The following COX10 variants were observed in gnomAD, a reference collection of about 807,000 sequenced individuals.
COX10 encodes the protein protoheme IX farnesyltransferase, mitochondrial.
COX10 carries 27 observed loss-of-function variants against 37.3 expected under a neutral mutation model. That is an observed-to-expected ratio of 0.72 (90% CI 0.53 to 1.00). COX10 has a LOEUF of 1.00. Ranked by LOEUF, COX10 falls within the 50% of genes least tolerant of loss-of-function variation. The pLI is 0.00. For synonymous variants in COX10, 222 were observed against 229.1 expected (o/e 0.97, Z 0.28); for missense variants, 475 against 563.2 (o/e 0.84, Z 1.59).
chr17:14,125,722 T>C (rs933883299), intron 4 of COX10, among the ~76,000 whole-genome samples: 8 of 152,168 alleles, frequency 5.3e-5, no homozygotes, highest in Non-Finnish European at 1.0e-4. Context: ...TTAAAATACA[T>C]GTCAATACTT....
At position 14,104,028 on chromosome 17, in the gene COX10, G is replaced by A. The variant is rs776669877; in HGVS notation, c.624+1786G>A. ...ACTTACACAGCACTCCTGATCTTCC[G>A]CTGGAACTCCGTGTCATGTTCCTCC... On this transcript the variant is annotated intron_variant, in intron 4 of 6. Transcript: ENST00000261643. 5.3e-5 allele frequency among the ~76,000 whole-genome samples: 8 copies of A among 152,034 alleles called. No homozygotes were observed. In the South Asian group the frequency reaches 8.3e-4, roughly 16 times the overall value.
chr17:14,193,232 C>A (rs1447396164), intron 6 of COX10, among the ~76,000 whole-genome samples: 10 of 152,192 alleles, frequency 6.6e-5, no homozygotes, highest in African/African-American at 1.9e-4. Flanking sequence ...ATGGGGAGCC[C>A]GACCCCACCG....
At chr17:14,075,596 A>G (rs577448057) in intron 2 of COX10, among the ~76,000 whole-genome samples, 3 of 152,182 alleles carry the variant, frequency 2.0e-5, no homozygotes, top group Non-Finnish European at 4.4e-5. Context: ...ATAAAACTGT[A>G]AAGTACTTCA....
chr17:14,143,079 A>G (rs1450411951), intron 4 of COX10, among the ~76,000 whole-genome samples: 1 of 152,162 alleles, frequency 6.6e-6, no homozygotes, highest in Non-Finnish European at 1.5e-5. Flanking sequence ...ATTGCCAGTA[A>G]TCAGGTTGAA....
chr17:14,178,621 C>T (rs1485132466), intron 5 of COX10, among the ~76,000 whole-genome samples: 2 of 151,150 alleles, frequency 1.3e-5, no homozygotes, highest in Non-Finnish European at 3.0e-5. Context: ...CTGCTCACCA[C>T]TTCACTAGTT....
intron 6 of COX10, among the ~76,000 whole-genome samples, chr17:14,205,275 G>C (rs1202923044): frequency 6.6e-6 from 1 of 151,086 alleles, no homozygotes; most frequent in African/African-American, 2.4e-5. Flanking sequence ...TATGAATACT[G>C]TCCCCTCCAC....
chr17:14,104,216 T>G (rs528165304), intron 4 of COX10, among the ~76,000 whole-genome samples: 1 of 152,226 alleles, frequency 6.6e-6, no homozygotes, highest in African/African-American at 2.4e-5. Context: ...TCACAACACT[T>G]TAAAAATCTC....
chr17:14,206,019 T>C (rs1289451784), intron 6 of COX10, among the ~76,000 whole-genome samples: 2 of 152,182 alleles, frequency 1.3e-5, no homozygotes, highest in Non-Finnish European at 2.9e-5. Flanking sequence ...CGTTTTGTCC[T>C]TGTGACTCAT....
intron 2 of COX10, among the ~76,000 whole-genome samples, chr17:14,075,545 C>A (rs1915123754): frequency 6.6e-6 from 1 of 152,104 alleles, no homozygotes; most frequent in Admixed American, 6.6e-5. Context: ...GATCTATCTT[C>A]TTTGACAACT....
intron 4 of COX10, among the ~76,000 whole-genome samples, chr17:14,119,084 T>C (rs76632184): frequency 0.093 from 14,159 of 152,224 alleles, 711 homozygotes; most frequent in Middle Eastern, 0.14. Flanking sequence ...GTTATTTCCC[T>C]CTGTTTATTC....
At chr17:14,201,457 A>C (rs1217711570) in intron 6 of COX10, among the ~76,000 whole-genome samples, 2 of 152,204 alleles carry the variant, frequency 1.3e-5, no homozygotes, top group Non-Finnish European at 2.9e-5. Context: ...TACAGAAAAC[A>C]GCATGCTACT....
At position 14,074,371 on chromosome 17, in the gene COX10, A is replaced by G. The variant is rs757977403; in HGVS notation, c.92A>G (p.Asp31Gly). ...TATCTTGAAAGAAGAACTATACAGG[A>G]CTCCCCTCACAAGTTCTTACATCTT... is the stretch of plus-strand genomic sequence containing the variant. The part of the protein sequence containing the change: ...VWYLERRTIQ[D>G]SPHKFLHLLR... Residue 31 changes from aspartate (D) to glycine (G), a missense_variant, in exon 2 of 7, where the codon GAC (aspartate) becomes GGC (glycine). This residue lies in a region of COX10 where 242 missense variants were observed against 242.5 expected (regional missense o/e 1.00). Coordinates refer to ENST00000261643, the MANE Select transcript of COX10 (RefSeq NM_001303.4). 1 of 1,613,538 alleles carries G rather than the reference A, an allele frequency of 6.2e-7. No homozygotes were observed. Among genetic ancestry groups the G allele is most frequent in the Admixed American group, 1.7e-5 (1 of 59,974 alleles).
At chr17:14,138,236 T>C (rs185000274) in intron 4 of COX10, among the ~76,000 whole-genome samples, 7 of 152,270 alleles carry the variant, frequency 4.6e-5, no homozygotes, top group Admixed American at 2.6e-4. Context: ...TCTCTTAATA[T>C]CAAATCATGG....
chr17:14,097,633 C>A (rs1488332577), intron 3 of COX10, among the ~76,000 whole-genome samples: 4 of 152,104 alleles, frequency 2.6e-5, no homozygotes, highest in Non-Finnish European at 5.9e-5. Flanking sequence ...ATACTTCCTC[C>A]TCTGATTAAC....
intron 5 of COX10, among the ~76,000 whole-genome samples, chr17:14,166,030 A>C (rs942313009): frequency 3.9e-5 from 6 of 152,258 alleles, no homozygotes; most frequent in African/African-American, 1.4e-4. Flanking sequence ...GTTTAAGAAA[A>C]GAAGCTGTCT....
intron 4 of COX10, among the ~76,000 whole-genome samples, chr17:14,150,786 A>G (rs994073918): frequency 8.5e-5 from 13 of 152,188 alleles, no homozygotes; most frequent in African/African-American, 3.1e-4. Context: ...CTTCAACTAG[A>G]AGAAGGCAGG....
chr17:14,081,246 C>G (rs9909299), intron 3 of COX10, among the ~76,000 whole-genome samples: 25,043 of 152,016 alleles, frequency 0.16, 2,138 homozygotes, highest in Non-Finnish European at 0.19. Flanking sequence ...CTAGTGAGAG[C>G]CAAGAATGAT....
chr17:14,086,163 G>C (rs533766221), intron 3 of COX10, among the ~76,000 whole-genome samples: 27 of 152,056 alleles, frequency 1.8e-4, no homozygotes, highest in Non-Finnish European at 3.4e-4. Flanking sequence ...ATGTGCAAAA[G>C]TTAATTTTAT....
At chr17:14,094,730 C>T (rs1049062699) in intron 3 of COX10, among the ~76,000 whole-genome samples, 6 of 152,158 alleles carry the variant, frequency 3.9e-5, no homozygotes, top group Non-Finnish European at 5.9e-5. Context: ...AATGTAAAGT[C>T]CAAGTGCAGT....
Sources: allele counts gnomAD v4.1 joint callset (sites outside exome capture counted in the v4.1 genomes callset), GRCh38; gene constraint gnomAD v4.1.1; regional missense constraint gnomAD v4.1.1; transcripts MANE v1.5; gene names NCBI Gene and HGNC (gene_info 2026-07-23, HGNC 2026-07-21).